The following RNF217 variants were observed in gnomAD, a reference collection of about 807,000 sequenced individuals.
RNF217 encodes ring finger protein 217.
A neutral mutation model predicts 57.8 loss-of-function variants in RNF217; 31 were observed. That is an observed-to-expected ratio of 0.54 (90% CI 0.40 to 0.72). RNF217 has a LOEUF of 0.72. Among genes scored for constraint, RNF217 ranks in the 30% least tolerant of loss-of-function variants. The pLI, the probability that RNF217 is intolerant of heterozygous loss-of-function variation, is 0.00. For synonymous variants in RNF217, 313 were observed against 294.0 expected (o/e 1.06, Z -0.66); for missense variants, 696 against 708.3 (o/e 0.98, Z 0.20).
intron 1 of RNF217, among the ~76,000 whole-genome samples, chr6:124,991,318 A>T (rs1391117349): frequency 6.6e-6 from 1 of 152,160 alleles, no homozygotes; most frequent in Non-Finnish European, 1.5e-5. Context: ...GTAGCTGTTC[A>T]TCTTTCCCAT....
At chr6:125,035,962 G>A (rs1184628822) in intron 1 of RNF217, among the ~76,000 whole-genome samples, 2 of 151,600 alleles carry the variant, frequency 1.3e-5, no homozygotes, top group African/African-American at 4.9e-5. Flanking sequence ...AGAATGTGCA[G>A]GATTGTTACA....
At chr6:125,057,894 A>G (rs776706582) in intron 2 of RNF217, 48 bp from the exon 3 acceptor site, 3 of 1,472,174 alleles carry the variant, frequency 2.0e-6, no homozygotes, top group South Asian at 2.9e-5. Flanking sequence ...CCTTTTAGAC[A>G]CTTTCAGTAT....
chr6:125,060,862 C>T lies in RNF217; in HGVS notation c.1281+2756C>T, dbSNP rs558612019. On this transcript the variant is annotated intron_variant, in intron 3 of 5. Transcript: ENST00000521654. Reference sequence around the variant, plus strand: ...GCCGCCCCAGTGTACTTACTCCTAACATCTTATTGTGTGCCCTTGGTCTTT... The same window carrying T: ...GCCGCCCCAGTGTACTTACTCCTAATATCTTATTGTGTGCCCTTGGTCTTT... Among the ~76,000 whole-genome samples, 4 of 152,266 alleles carry T rather than the reference C, an allele frequency of 2.6e-5. No individual in the cohort carries two copies. The South Asian group carries it at 8.3e-4, about 32-fold the overall frequency.
In RNF217 at chr6:125,090,671, G is replaced by C. The variant is rs554453221; in HGVS notation, c.*7734G>C. 4.6e-5 allele frequency: 7 copies of C among 151,838 alleles called. No homozygotes were observed. Among genetic ancestry groups the C allele is most frequent in the African/African-American group, 1.7e-4 (7 of 41,510 alleles). 9.4% of individuals were successfully genotyped at this position (151,838 alleles called of 1,614,324 possible). Reference sequence around the variant, plus strand: ...TGAATAGTAATTTGTACCAGATCTTGTCCATCATTTCATTAGATTGCATAT... The same window carrying C: ...TGAATAGTAATTTGTACCAGATCTTCTCCATCATTTCATTAGATTGCATAT... On this transcript the variant is annotated 3_prime_UTR_variant, in exon 6 of 6. Transcript: ENST00000521654.
chr6:124,991,863 G>A (rs1208029628), intron 1 of RNF217, among the ~76,000 whole-genome samples: 1 of 152,076 alleles, frequency 6.6e-6, no homozygotes, highest in African/African-American at 2.4e-5. Context: ...TGTGTTCAGT[G>A]GCTGCTGTAT....
intron 1 of RNF217, among the ~76,000 whole-genome samples, chr6:125,011,808 T>A (rs1171630470): frequency 6.6e-6 from 1 of 152,122 alleles, no homozygotes; most frequent in East Asian, 1.9e-4. Flanking sequence ...TTGCTCATTT[T>A]CCTCTGTATC....
intron 1 of RNF217, among the ~76,000 whole-genome samples, chr6:124,973,348 GC>G (rs2114994864): frequency 6.6e-6 from 1 of 152,190 alleles, no homozygotes; most frequent in African/African-American, 2.4e-5. Flanking sequence ...AGTTAGTCCT[GC>G]TGTTAAGGTT....
At position 125,022,345 on chromosome 6, in the gene RNF217, G is replaced by A. The variant is rs1356596425; in HGVS notation, c.883-22866G>A. Among the ~76,000 whole-genome samples the A allele has an allele frequency of 4.6e-5, 7 of 152,262 alleles. No individual in the cohort carries two copies. The East Asian group carries it at 9.6e-4, about 21-fold the overall frequency. On this transcript the variant is annotated intron_variant, in intron 1 of 5. Transcript: ENST00000521654. ...CAGTACGAATTCAGTGAAATTATAG[G>A]CAGTAACAGTTTTGAAAATTAACAC...
At chr6:125,064,156 C>T (rs1042747567) in intron 3 of RNF217, among the ~76,000 whole-genome samples, 3 of 152,118 alleles carry the variant, frequency 2.0e-5, no homozygotes, top group African/African-American at 7.2e-5. Flanking sequence ...AGGCTGACTA[C>T]TTTCAAATAA....
intron 1 of RNF217, among the ~76,000 whole-genome samples, chr6:125,043,282 G>T (rs775391910): frequency 7.9e-5 from 12 of 151,958 alleles, no homozygotes; most frequent in Non-Finnish European, 8.8e-5. Context: ...CTTTGCCCAA[G>T]TTGTCTCTTT....
At chr6:125,081,120 G>T (rs956806100) in intron 4 of RNF217, among the ~76,000 whole-genome samples, 1 of 152,030 alleles carries the variant, frequency 6.6e-6, no homozygotes, top group Non-Finnish European at 1.5e-5. Flanking sequence ...AAATGGAAAG[G>T]ATCTTAAGGA....
chr6:125,007,172 G>A (rs1321074006), intron 1 of RNF217, among the ~76,000 whole-genome samples: 2 of 151,446 alleles, frequency 1.3e-5, no homozygotes, highest in Non-Finnish European at 2.9e-5. Flanking sequence ...ATCTAGAATT[G>A]GTATTGTTTA....
intron 1 of RNF217, among the ~76,000 whole-genome samples, chr6:124,976,323 C>T (rs1206717744): frequency 1.6e-5 from 2 of 123,240 alleles, no homozygotes; most frequent in African/African-American, 6.0e-5. Context: ...GGCTGGAGTG[C>T]AGTGGTGTAA....
At chr6:125,071,326 C>A (rs1788127716) in intron 3 of RNF217, among the ~76,000 whole-genome samples, 1 of 152,176 alleles carries the variant, frequency 6.6e-6, no homozygotes. Context: ...GTGCAGCTGG[C>A]AGTCACCCGT....
intron 2 of RNF217, among the ~76,000 whole-genome samples, chr6:125,050,132 T>C (rs763708148): frequency 2.6e-5 from 4 of 151,932 alleles, no homozygotes; most frequent in African/African-American, 9.7e-5. Context: ...TCATACAGGT[T>C]TTACTGAGGT....
chr6:124,980,137 GTT>G (rs533337094), intron 1 of RNF217, among the ~76,000 whole-genome samples: 41 of 152,146 alleles, frequency 2.7e-4, no homozygotes, highest in Non-Finnish European at 3.8e-4. Context: ...TTGTTTGTTT[GTT>G]TTTAATGTTT....
intron 1 of RNF217, among the ~76,000 whole-genome samples, chr6:125,002,872 GCTA>G (rs1785042160): frequency 6.6e-6 from 1 of 152,126 alleles, no homozygotes; most frequent in South Asian, 2.1e-4. Flanking sequence ...GGCAGAGGAG[GCTA>G]CTTGGTATAT....
chr6:125,042,884 C>T (rs1786939733), intron 1 of RNF217, among the ~76,000 whole-genome samples: 1 of 152,062 alleles, frequency 6.6e-6, no homozygotes, highest in Non-Finnish European at 1.5e-5. Flanking sequence ...ACACTGACCT[C>T]AGAGTAAAAA....
intron 1 of RNF217, among the ~76,000 whole-genome samples, chr6:125,032,118 C>T (rs1196491929): frequency 6.6e-6 from 1 of 152,080 alleles, no homozygotes; most frequent in African/African-American, 2.4e-5. Flanking sequence ...TCAGTTACCT[C>T]CCCCTGGGTC....
Sources: gnomAD v4.1 joint callset for allele counts (sites outside exome capture counted in the v4.1 genomes callset) on GRCh38, gnomAD v4.1.1 for gene constraint, MANE v1.5 for transcripts, NCBI Gene and HGNC (gene_info 2026-07-23, HGNC 2026-07-21) for gene names.